PFKFB3: variants seen among roughly 807,000 people sequenced by gnomAD.
PFKFB3 encodes 6-phosphofructo-2-kinase/fructose-2,6-biphosphatase 3.
Under a neutral mutation model 68.0 loss-of-function variants are expected in PFKFB3, and 33 were observed. The observed-to-expected ratio is 0.49, with a 90% CI of 0.37 to 0.65. The LOEUF (loss-of-function observed/expected upper bound fraction) is 0.65, where lower values mean the gene tolerates loss of function less well. PFKFB3 is among the 30% of genes least tolerant of loss of function. PFKFB3 has a pLI of 0.00. For missense variants in PFKFB3, 586 were observed against 712.2 expected (o/e 0.82, Z 2.02); for synonymous variants, 315 against 288.2 (o/e 1.09, Z -0.94).
intron 14 of PFKFB3, among the ~76,000 whole-genome samples, chr10:6,245,159 C>G (rs1003040016): frequency 6.6e-6 from 1 of 152,076 alleles, no homozygotes; most frequent in African/African-American, 2.4e-5. Flanking sequence ...TGCAGTGGCA[C>G]GATCTCAGCT....
intron 1 of PFKFB3, among the ~76,000 whole-genome samples, chr10:6,187,879 T>G (rs1404020024): frequency 1.3e-5 from 2 of 152,144 alleles, no homozygotes; most frequent in African/African-American, 4.8e-5. Flanking sequence ...TGCAAAGTGT[T>G]CCATAGCACT....
chr10:6,246,494 C>T (rs1846263921), intron 14 of PFKFB3, among the ~76,000 whole-genome samples: 1 of 151,596 alleles, frequency 6.6e-6, no homozygotes. Context: ...CGCCTGCCAC[C>T]ACGCCTGGCT....
In PFKFB3 at chr10:6,220,925, G is replaced by C. The variant is rs892712806; in HGVS notation, c.831+60G>C. On this transcript the variant is annotated intron_variant, in intron 8 of 14. Coordinates refer to ENST00000379775, the MANE Select transcript of PFKFB3 (RefSeq NM_004566.4). This position sits in a 1 kb window ranked among gnomAD's most constrained non-coding sequence, Gnocchi z 4.1. ...TGTAGGGCGGTTGCAGGGTCTATAG[G>C]GTGGGTGGGGAGCTGTGTGCTGCTG... The C allele has an allele frequency of 6.8e-7, 1 of 1,474,180 alleles. No homozygotes were observed. The highest frequency in any genetic ancestry group is 9.4e-7 in the Non-Finnish European group (1 of 1,066,450). 91.3% of individuals were successfully genotyped at this position (1,474,180 alleles called of 1,614,324 possible).
At chr10:6,204,984 C>T (rs1430997160) in intron 1 of PFKFB3, among the ~76,000 whole-genome samples, 1 of 152,214 alleles carries the variant, frequency 6.6e-6, no homozygotes, top group African/African-American at 2.4e-5. Flanking sequence ...TGCACCAAGG[C>T]GTCCTCCCTC....
rs1841713835 is a variant in PFKFB3, at chr10:6,154,780, A to T, written c.16+9767A>T. ...GGGTGAGAGAGAGTGAATCATGGGTAGCTCCCCCAGCTGCCTTCTGTCTGA... is the reference window on the plus strand; with the variant it reads ...GGGTGAGAGAGAGTGAATCATGGGTTGCTCCCCCAGCTGCCTTCTGTCTGA... On this transcript the variant is annotated intron_variant, in intron 1 of 14. Coordinates refer to the PFKFB3 transcript ENST00000379789. The surrounding 1 kb of genome is among the most constrained non-coding windows in gnomAD (Gnocchi z 4.6). 6.6e-6 allele frequency among the ~76,000 whole-genome samples: 1 copy of T among 152,118 alleles called. No individual in the cohort carries two copies. Among genetic ancestry groups the T allele is most frequent in the Non-Finnish European group, 1.5e-5 (1 of 68,024 alleles).
chr10:6,245,052 G>T (rs1432036920), intron 14 of PFKFB3, among the ~76,000 whole-genome samples: 4 of 152,170 alleles, frequency 2.6e-5, no homozygotes, highest in African/African-American at 7.2e-5. Flanking sequence ...GCGAGGTCAG[G>T]TGTCACAGCT....
intron 1 of PFKFB3, among the ~76,000 whole-genome samples, chr10:6,179,414 T>C (rs1026617692): frequency 6.6e-6 from 1 of 152,242 alleles, no homozygotes; most frequent in Non-Finnish European, 1.5e-5. Flanking sequence ...TTGTGATCAT[T>C]AATCAGTTAA....
At position 6,228,101 on chromosome 10, in the gene PFKFB3, T is replaced by G. The variant is rs1015190549; in HGVS notation, c.1515+1736T>G. The G allele has an allele frequency of 2.9e-6, 4 of 1,384,746 alleles. No individual in the cohort carries two copies. The East Asian group carries it at 9.1e-5, about 32-fold the overall frequency. 85.8% of individuals were successfully genotyped at this position (1,384,746 alleles called of 1,614,324 possible). ...CCAGGTTCTTAGGGACGTCTGAAGC[T>G]GCTGGCTGGGCCGGCGTGGGGTTTT... On this transcript the variant is annotated intron_variant, in intron 14 of 14. Coordinates refer to ENST00000379775, the MANE Select transcript of PFKFB3 (RefSeq NM_004566.4). This position sits in a 1 kb window ranked among gnomAD's most constrained non-coding sequence, Gnocchi z 4.5.
downstream of PFKFB3, among the ~76,000 whole-genome samples, chr10:6,238,353 C>T (rs1242629076): frequency 6.6e-6 from 1 of 151,330 alleles, no homozygotes; most frequent in Non-Finnish European, 1.5e-5. Flanking sequence ...TTAGTAGAGA[C>T]AGCATTTTGC....
chr10:6,189,941 C>T (rs1842979849), intron 1 of PFKFB3, among the ~76,000 whole-genome samples: 1 of 152,032 alleles, frequency 6.6e-6, no homozygotes, highest in East Asian at 1.9e-4. Context: ...CTGCAAATAT[C>T]TGTTTTTATT....
At chr10:6,242,270 A>G (rs1219904744) in intron 14 of PFKFB3, among the ~76,000 whole-genome samples, 1 of 152,210 alleles carries the variant, frequency 6.6e-6, no homozygotes, top group Non-Finnish European at 1.5e-5. Flanking sequence ...CTGTGGACTC[A>G]TGATCATTCC....
Position 6,229,676 on chromosome 10 carries a change from G to A in PFKFB3, c.1516-3219G>A, listed in dbSNP as rs1227941593. Among the ~76,000 whole-genome samples, 5 of 152,200 alleles carry A rather than the reference G, an allele frequency of 3.3e-5. No individual in the cohort carries two copies. On this transcript the variant is annotated intron_variant, in intron 14 of 14. Transcript: ENST00000379775. This position sits in a 1 kb window ranked among gnomAD's most constrained non-coding sequence, Gnocchi z 4.3. ...TGCTTCAGGATCTGGGCTTCTCCTT[G>A]TGTGAAACTTTTTGGACTTGGAGCC...
At position 6,154,598 on chromosome 10, in the gene PFKFB3, T is replaced by C. The variant is rs1841708793; in HGVS notation, c.16+9585T>C. Among the ~76,000 whole-genome samples the C allele has an allele frequency of 6.6e-6, 1 of 152,136 alleles. No individual in the cohort carries two copies. ...ACGTCTCCGCCACGGGTGGCTACTA[T>C]CCTGAGAGCAGACTGTGGGGTGGCG... On this transcript the variant is annotated intron_variant, in intron 1 of 14. Transcript: ENST00000379789. This position sits in a 1 kb window ranked among gnomAD's most constrained non-coding sequence, Gnocchi z 4.6.
At chr10:6,206,426 A>T (rs1486232998) in intron 1 of PFKFB3, among the ~76,000 whole-genome samples, 1 of 123,518 alleles carries the variant, frequency 8.1e-6, no homozygotes, top group Admixed American at 7.7e-5. Flanking sequence ...ATTCCACAAA[A>T]CCGCCATTGT....
chr10:6,291,144 A>C, the PFKFB3 span, among the ~76,000 whole-genome samples: 1 of 152,248 alleles, frequency 6.6e-6, no homozygotes. Context: ...CAGGAAGTGC[A>C]ACAAATTACT....
the PFKFB3 span, among the ~76,000 whole-genome samples, chr10:6,312,437 G>A: frequency 2.0e-5 from 3 of 152,088 alleles, no homozygotes; most frequent in African/African-American, 4.8e-5. Context: ...TACTGTCAGC[G>A]GTGTGCCAAG....
In PFKFB3 at chr10:6,217,078, G is replaced by A. The variant is rs959076596; in HGVS notation, c.442-57G>A. On this transcript the variant is annotated intron_variant, in intron 5 of 14. Coordinates refer to ENST00000379775, the MANE Select transcript of PFKFB3 (RefSeq NM_004566.4). ...TCCGGGTGATGACATCGCAGTGATG[G>A]CAAGGTTGATCCTTCGTGGTGTTTG... The A allele has an allele frequency of 9.8e-6, 15 of 1,537,536 alleles. No homozygotes were observed. In the South Asian group the frequency reaches 1.7e-4, roughly 17 times the overall value.
chr10:6,295,361 A>G, the PFKFB3 span, among the ~76,000 whole-genome samples: 1 of 152,008 alleles, frequency 6.6e-6, no homozygotes, highest in East Asian at 1.9e-4. Context: ...AGCTGGGATT[A>G]CAGGCGCCCA....
rs1841717074 is a variant in PFKFB3, at chr10:6,154,871, G to A, written c.16+9858G>A. 6.6e-6 allele frequency among the ~76,000 whole-genome samples: 1 copy of A among 152,226 alleles called. No individual in the cohort carries two copies. Among genetic ancestry groups the A allele is most frequent in the African/African-American group, 2.4e-5 (1 of 41,466 alleles). Reference sequence around the variant, plus strand: ...GGCCTGGGTTGTAGTGAGCTGCGGGGAGCCCGCACTGCCACAGCAGCTGCA... The same window carrying A: ...GGCCTGGGTTGTAGTGAGCTGCGGGAAGCCCGCACTGCCACAGCAGCTGCA... On this transcript the variant is annotated intron_variant, in intron 1 of 14. Coordinates refer to the PFKFB3 transcript ENST00000379789. The surrounding 1 kb of genome is among the most constrained non-coding windows in gnomAD (Gnocchi z 4.6).
Sources: gnomAD v4.1 joint callset for allele counts (sites outside exome capture counted in the v4.1 genomes callset) on GRCh38, gnomAD v4.1.1 for gene constraint, Gnocchi (gnomAD v3.1) non-coding constraint, MANE v1.5 for transcripts, NCBI Gene and HGNC (gene_info 2026-07-23, HGNC 2026-07-21) for gene names.